The following DCP1A variants were observed in gnomAD, a reference collection of about 807,000 sequenced individuals.
DCP1A encodes decapping mRNA 1A.
Under a neutral mutation model 58.0 loss-of-function variants are expected in DCP1A, and 20 were observed. The observed-to-expected ratio is 0.34, with a 90% CI of 0.24 to 0.50. The LOEUF (loss-of-function observed/expected upper bound fraction) is 0.50. Ranked by LOEUF, DCP1A falls within the 20% of genes least tolerant of loss-of-function variation. DCP1A has a pLI of 0.98. For synonymous variants in DCP1A, 285 were observed against 275.1 expected (o/e 1.04, Z -0.36); for missense variants, 613 against 712.2 (o/e 0.86, Z 1.59).
intron 5 of DCP1A, among the ~76,000 whole-genome samples, chr3:53,311,345 A>C (rs1707638479): frequency 6.6e-6 from 1 of 152,204 alleles, no homozygotes; most frequent in Non-Finnish European, 1.5e-5. Context: ...AGCAGTAGAG[A>C]GCTTGTCTCA....
At chr3:53,338,895 A>G (rs1336663484) in intron 3 of DCP1A, among the ~76,000 whole-genome samples, 1 of 152,004 alleles carries the variant, frequency 6.6e-6, no homozygotes. Flanking sequence ...TTAAAAATAA[A>G]TAAAACAAAT....
At chr3:53,300,619 G>A (rs79228323) in intron 6 of DCP1A, among the ~76,000 whole-genome samples, 1 of 151,974 alleles carries the variant, frequency 6.6e-6, no homozygotes, top group South Asian at 2.1e-4. Flanking sequence ...GATTACAGGC[G>A]TGAGCCACTG....
chr3:53,316,413 T>G (rs1553689247), intron 4 of DCP1A, among the ~76,000 whole-genome samples: 4 of 152,042 alleles, frequency 2.6e-5, no homozygotes, highest in Non-Finnish European at 5.9e-5. Flanking sequence ...ATCAACAGTT[T>G]CACCAGGGTA....
At chr3:53,299,359 G>A (rs1707238072) in intron 6 of DCP1A, among the ~76,000 whole-genome samples, 1 of 152,176 alleles carries the variant, frequency 6.6e-6, no homozygotes, top group Non-Finnish European at 1.5e-5. Context: ...TTAGGATTCT[G>A]AGTTTTTTAA....
At chr3:53,291,820 G>A (rs1706886131) in intron 7 of DCP1A, among the ~76,000 whole-genome samples, 1 of 152,234 alleles carries the variant, frequency 6.6e-6, no homozygotes. Context: ...GAGGACTCCT[G>A]GAACTGCTGG....
At chr3:53,307,827 A>C (rs1374162517) in intron 5 of DCP1A, among the ~76,000 whole-genome samples, 1 of 152,236 alleles carries the variant, frequency 6.6e-6, no homozygotes, top group African/African-American at 2.4e-5. Flanking sequence ...ACAAGGATTT[A>C]GCTATAAGGA....
chr3:53,291,930 G>T, intron 7 of DCP1A, 139 bp downstream of exon 7: 1 of 900,588 alleles, frequency 1.1e-6, no homozygotes, highest in Non-Finnish European at 1.6e-6. Context: ...TACCTCACCT[G>T]TCTCCGAGCC....
chr3:53,333,303 G>T (rs1478399207), intron 3 of DCP1A, among the ~76,000 whole-genome samples: 18 of 151,560 alleles, frequency 1.2e-4, no homozygotes, highest in Non-Finnish European at 5.9e-5. Context: ...ACCATGCCTG[G>T]CTAATTTTTT....
chr3:53,295,158 G>T (rs1385875783), intron 6 of DCP1A, among the ~76,000 whole-genome samples: 1 of 152,216 alleles, frequency 6.6e-6, no homozygotes, highest in African/African-American at 2.4e-5. Flanking sequence ...AAAGTTAAGG[G>T]AGTGCCATTC....
At chr3:53,322,967 G>A (rs1316281755) in intron 3 of DCP1A, among the ~76,000 whole-genome samples, 1 of 151,852 alleles carries the variant, frequency 6.6e-6, no homozygotes, top group African/African-American at 2.4e-5. Context: ...GGGGATTACA[G>A]GCGCCCGTCA....
At chr3:53,287,972 A>G in intron 9 of DCP1A, 93 bp downstream of exon 9, 1 of 1,292,786 alleles carries the variant, frequency 7.7e-7, no homozygotes, top group Non-Finnish European at 1.1e-6. Context: ...AGTCTTTTGA[A>G]TTTACTTTAT....
At chr3:53,344,206 C>T (rs1231498503) in intron 2 of DCP1A, among the ~76,000 whole-genome samples, 3 of 151,588 alleles carry the variant, frequency 2.0e-5, no homozygotes, top group African/African-American at 7.3e-5. Flanking sequence ...CTTTAGAAAA[C>T]AAGGGAAGGA....
At chr3:53,297,951 C>T (rs1417344680) in intron 6 of DCP1A, among the ~76,000 whole-genome samples, 1 of 152,200 alleles carries the variant, frequency 6.6e-6, no homozygotes, top group Non-Finnish European at 1.5e-5. Context: ...GGCAGAGTGC[C>T]TCATGCTTAT....
At chr3:53,312,107 AAC>A in intron 5 of DCP1A, 132 bp downstream of exon 5, 1 of 962,618 alleles carries the variant, frequency 1.0e-6, no homozygotes, top group East Asian at 2.7e-5. Context: ...GGAGTGTGCT[AAC>A]ACGCTCTCTT....
Position 53,347,405 on chromosome 3 carries a change from A to G in DCP1A, c.113T>C (p.Phe38Ser). 6.2e-7 allele frequency: 1 copy of G among 1,610,632 alleles called. No homozygotes were observed. Among genetic ancestry groups the G allele is most frequent in the Non-Finnish European group, 8.5e-7 (1 of 1,178,276 alleles). ...CACCCACTGGTTGGCCTTGGGGCAG[A>G]AGGTGTACAGAGCGACCTGGCCCGT... The part of the protein sequence containing the change: ...DLTGQVALYT[F>S]CPKANQWEKT... Residue 38 changes from phenylalanine (F) to serine (S), a missense_variant, in exon 1 of 10, where the codon TTC (phenylalanine) becomes TCC (serine). Coordinates refer to ENST00000610213, the MANE Select transcript of DCP1A (RefSeq NM_018403.7).
chr3:53,319,905 G>T, intron 3 of DCP1A, among the ~76,000 whole-genome samples: 1 of 152,034 alleles, frequency 6.6e-6, no homozygotes. Flanking sequence ...TGAGGTGGGC[G>T]GATCACTTGA....
At chr3:53,288,356 G>A in intron 8 of DCP1A, 73 bp from the exon 9 acceptor site, 1 of 1,200,490 alleles carries the variant, frequency 8.3e-7, no homozygotes, top group Non-Finnish European at 1.2e-6. Context: ...GGGACCATGT[G>A]GAAACAGGCA....
At chr3:53,305,038 T>G (rs533571003) in intron 5 of DCP1A, among the ~76,000 whole-genome samples, 223 of 152,266 alleles carry the variant, frequency 1.5e-3, no homozygotes, top group African/African-American at 5.1e-3. Context: ...AGTCATGCCC[T>G]CCCTCCACTC....
intron 3 of DCP1A, among the ~76,000 whole-genome samples, chr3:53,319,810 T>G (rs1234392733): frequency 6.6e-6 from 1 of 152,196 alleles, no homozygotes; most frequent in Admixed American, 6.6e-5. Flanking sequence ...AGAATCATAT[T>G]GATTCTAAGA....
Sources: allele counts gnomAD v4.1 joint callset (sites outside exome capture counted in the v4.1 genomes callset), GRCh38; gene constraint gnomAD v4.1.1; transcripts MANE v1.5; gene names NCBI Gene and HGNC (gene_info 2026-07-23, HGNC 2026-07-21).